MAN2B2: variants seen among roughly 807,000 people sequenced by gnomAD.
MAN2B2 encodes epididymis-specific alpha-mannosidase.
In MAN2B2, 106 loss-of-function variants were observed where a neutral mutation model predicts 117.1. The observed-to-expected ratio is 0.90, with a 90% confidence interval of 0.77 to 1.06. MAN2B2 has a LOEUF of 1.06. MAN2B2 is among the 50% of genes least tolerant of loss of function. The probability of loss-of-function intolerance (pLI) is 0.00; values close to 1 mark genes in which losing one functional copy is unlikely to be tolerated. For missense variants in MAN2B2, 1,326 were observed against 1,381.4 expected (o/e 0.96, Z 0.64); for synonymous variants, 544 against 595.1 (o/e 0.91, Z 1.25).
chr4:6,594,099 T>C (rs1017951821), intron 6 of MAN2B2, among the ~76,000 whole-genome samples: 2 of 152,048 alleles, frequency 1.3e-5, no homozygotes, highest in African/African-American at 4.8e-5. Flanking sequence ...TAATAATTAA[T>C]AATCATTAAT....
chr4:6,576,843 A>G, intron 2 of MAN2B2, 119 bp downstream of exon 2: 3 of 1,158,502 alleles, frequency 2.6e-6, no homozygotes, highest in Non-Finnish European at 3.7e-6. Context: ...CACAGGGCCA[A>G]AACCCCACCG....
chr4:6,583,221 T>G (rs980405189), intron 3 of MAN2B2, among the ~76,000 whole-genome samples: 18 of 152,186 alleles, frequency 1.2e-4, no homozygotes, highest in African/African-American at 4.3e-4. Context: ...CCCACATCAC[T>G]CCTCACATTT....
At chr4:6,617,885 T>C in intron 17 of MAN2B2, 1 of 227,096 alleles carries the variant, frequency 4.4e-6, no homozygotes, top group Non-Finnish European at 8.6e-6. Context: ...TTCGCTCTCG[T>C]CCCCCAGGCT....
chr4:6,579,103 CACCACCATCACCATCACCACT>C, intron 3 of MAN2B2, among the ~76,000 whole-genome samples: 3 of 86,690 alleles, frequency 3.5e-5, no homozygotes, highest in Non-Finnish European at 7.1e-5. Context: ...TCACCAGCAC[CACCACCATCACCATCACCACT>C]ACCACCACCA....
At chr4:6,582,984 A>G (rs1450312388) in intron 3 of MAN2B2, among the ~76,000 whole-genome samples, 5 of 152,180 alleles carry the variant, frequency 3.3e-5, no homozygotes, top group African/African-American at 1.2e-4. Context: ...CTCCTGTGGA[A>G]GTCTGCAGTG....
At position 6,597,123 on chromosome 4, in the gene MAN2B2, G is replaced by T; in HGVS notation, c.1068G>T (p.Gln356His). 6.2e-7 allele frequency: 1 copy of T among 1,613,320 alleles called. No homozygotes were observed. The highest frequency in any genetic ancestry group is 8.5e-7 in the Non-Finnish European group (1 of 1,179,828). ...TCCCTTGTCTCCCAGAACCATTCCA[G>T]GCCTGGACGGGCTTCTACACGTCCC... The part of the protein sequence containing the change: ...DFLPYSTEPF[Q>H]AWTGFYTSRS... The change falls in exon 8 of 19, where the codon CAG becomes CAT. Residue 356 changes from glutamine (Q) to histidine (H), a missense_variant. Coordinates refer to ENST00000285599, the MANE Select transcript of MAN2B2 (RefSeq NM_015274.3).
chr4:6,579,358 C>T (rs1282243842), intron 3 of MAN2B2, among the ~76,000 whole-genome samples: 21 of 89,522 alleles, frequency 2.3e-4, no homozygotes, highest in South Asian at 5.1e-4. Flanking sequence ...ATCACCACCA[C>T]CATCACCATC....
chr4:6,587,772 T>TTTTTG (rs1726696829), intron 4 of MAN2B2, among the ~76,000 whole-genome samples: 2 of 138,490 alleles, frequency 1.4e-5, no homozygotes, highest in African/African-American at 5.4e-5. Context: ...TTTTTTTTTT[T>TTTTTG]GAGACAGGGT....
intron 7 of MAN2B2, among the ~76,000 whole-genome samples, chr4:6,596,120 GGC>G (rs1168215529): frequency 3.3e-5 from 5 of 150,920 alleles, no homozygotes; most frequent in African/African-American, 5.0e-5. Context: ...TGTCCAGGTG[GGC>G]GTGGTGTCCA....
At position 6,622,884 on chromosome 4, in the gene MAN2B2, G is replaced by T. The variant is rs1712233667; in HGVS notation, c.*1599G>T. The T allele has an allele frequency of 6.6e-6, 1 of 152,014 alleles. No homozygotes were observed. Among genetic ancestry groups the T allele is most frequent in the East Asian group, 1.9e-4 (1 of 5,182 alleles). The allele number at this position is 152,014 out of a possible 1,614,324, so 9.4% of individuals were successfully genotyped here. A position where few individuals can be genotyped will look rare whatever the true frequency, so the allele number is the denominator to read the frequency against. On this transcript the variant is annotated 3_prime_UTR_variant, in exon 19 of 19. Coordinates refer to ENST00000285599, the MANE Select transcript of MAN2B2 (RefSeq NM_015274.3). The stretch of plus-strand genomic sequence containing the variant: ...CCACCAGACAGCAAAGACAGTCTCT[G>T]GTTTGGCCAGGCAGGAGCTGGGCTG...
At chr4:6,576,507 C>T (rs1726063987) in intron 1 of MAN2B2, 71 bp from the exon 2 acceptor site, 4 of 1,567,504 alleles carry the variant, frequency 2.6e-6, no homozygotes, top group East Asian at 2.3e-5. Flanking sequence ...ACACACCTGG[C>T]GAATGGCAGG....
At chr4:6,582,424 T>C (rs1040641988) in intron 3 of MAN2B2, among the ~76,000 whole-genome samples, 8 of 152,134 alleles carry the variant, frequency 5.3e-5, no homozygotes, top group African/African-American at 1.2e-4. Flanking sequence ...CTGCAATCTC[T>C]ACCTCGCAGG....
Position 6,621,179 on chromosome 4 carries a change from T to C in MAN2B2, c.2933-9T>C. ...GGCCACACTGGACAGATCACCTCTG[T>C]TCCCCTAGGTGACACCACCTCTCCC... On this transcript the variant is annotated splice_polypyrimidine_tract_variant and intron_variant, in intron 18 of 18. Transcript: ENST00000285599. 6.2e-7 allele frequency: 1 copy of C among 1,603,132 alleles called. No individual in the cohort carries two copies. Among genetic ancestry groups the C allele is most frequent in the Non-Finnish European group, 8.5e-7 (1 of 1,170,096 alleles).
chr4:6,614,286 C>G lies in MAN2B2; in HGVS notation c.2632C>G (p.Gln878Glu). 1 of 1,614,156 alleles carries G rather than the reference C, an allele frequency of 6.2e-7. No homozygotes were observed. Among genetic ancestry groups the G allele is most frequent in the Middle Eastern group, 1.7e-4 (1 of 6,054 alleles). The change falls in exon 16 of 19, where the codon CAG (glutamine) becomes GAG (glutamate). Residue 878 changes from glutamine (Q) to glutamate (E), a missense_variant. Physicochemically the swap from Gln to Glu is conservative, Grantham distance 29. Transcript: ENST00000285599. ...AVTLPPNLHL[Q>E]ILSIPGWRYS... ...GACGCTGCCCCCGAATCTTCACCTG[C>G]AGATCCTGAGCATCCCTGGCTGGCG...
At chr4:6,578,565 G>C in intron 3 of MAN2B2, 67 bp downstream of exon 3, 1 of 1,338,822 alleles carries the variant, frequency 7.5e-7, no homozygotes, top group Admixed American at 1.9e-5. Context: ...CATGGTATCA[G>C]AACCCCCAGG....
intron 9 of MAN2B2, among the ~76,000 whole-genome samples, chr4:6,599,712 T>C (rs1478226721): frequency 2.7e-5 from 4 of 149,952 alleles, no homozygotes; most frequent in Middle Eastern, 3.5e-3. Flanking sequence ...AGAGCCACCA[T>C]GCCTGGCTGC....
chr4:6,602,936 A>C (rs1027197231), intron 10 of MAN2B2, among the ~76,000 whole-genome samples: 2 of 152,124 alleles, frequency 1.3e-5, no homozygotes, highest in Non-Finnish European at 2.9e-5. Flanking sequence ...TTGGCCTCCC[A>C]AAGAGCTGGA....
chr4:6,594,988 C>T (rs1028957605), intron 7 of MAN2B2, among the ~76,000 whole-genome samples: 1 of 152,246 alleles, frequency 6.6e-6, no homozygotes, highest in African/African-American at 2.4e-5. Flanking sequence ...CAGTTTCCTG[C>T]CTCTGGCCTT....
rs368896399 is a variant in MAN2B2 at position 6,587,051 on chromosome 4, C to T, written c.447C>T (p.His149=). Residue 149 remains histidine (H), a synonymous_variant, in exon 4 of 19, where the codon CAC becomes CAT. Transcript: ENST00000285599. ...TFGIRPQFSW[H]VDPFGASATT... ...GGATCCGGCCACAGTTCTCCTGGCA[C>T]GTTGACCCGTTTGGCGCCTCTGCCA... 7 of 1,614,080 alleles carry T rather than the reference C, an allele frequency of 4.3e-6. 1 individual carries two copies. The highest frequency in any genetic ancestry group is 2.2e-5 in the South Asian group (2 of 91,080).
Sources: allele counts gnomAD v4.1 joint callset (sites outside exome capture counted in the v4.1 genomes callset), GRCh38; gene constraint gnomAD v4.1.1; transcripts MANE v1.5; gene names NCBI Gene and HGNC (gene_info 2026-07-23, HGNC 2026-07-21).